Variants in PRMT8 observed in about 807,000 individuals in gnomAD.
The protein encoded by PRMT8 is protein arginine N-methyltransferase 8.
Under a neutral mutation model 47.1 loss-of-function variants are expected in PRMT8, and 7 were observed. The ratio of observed to expected loss-of-function variants is 0.15; its 90% confidence interval spans 0.08 to 0.28. PRMT8 has a LOEUF of 0.28. PRMT8 is among the 10% of genes least tolerant of loss of function. The pLI, the probability that PRMT8 is intolerant of heterozygous loss-of-function variation, is 1.00. For missense variants in PRMT8, 237 were observed against 505.4 expected (o/e 0.47, Z 5.09); for synonymous variants, 188 against 186.5 (o/e 1.01, Z -0.07).
Position 3,539,012 on chromosome 12 carries a change from G to T in PRMT8, c.76-1594G>T, listed in dbSNP as rs531102578. ...CAGAACAGTCTTGGGACTGCGCGGA[G>T]TGATTCCACGGAGGGGTTGAAATAA... On this transcript the variant is annotated intron_variant, in intron 1 of 9. Coordinates refer to ENST00000382622, the MANE Select transcript of PRMT8 (RefSeq NM_019854.5). Among the ~76,000 whole-genome samples the T allele has an allele frequency of 4.3e-4, 65 of 152,352 alleles. No homozygotes were observed. In the Middle Eastern group the frequency reaches 0.01, roughly 24 times the overall value.
rs1865855845 is a variant in PRMT8, at chr12:3,519,915, T to G, written c.76-20691T>G. 1.3e-5 allele frequency among the ~76,000 whole-genome samples: 2 copies of G among 152,214 alleles called. 1 individual carries two copies. The highest frequency in any genetic ancestry group is 4.1e-4 in the South Asian group (2 of 4,830). The stretch of plus-strand genomic sequence containing the variant: ...CAAAATTTGGGAAACATCTAATTTT[T>G]TAATGTAAAATATAAGTTTTAAATG... On this transcript the variant is annotated intron_variant, in intron 1 of 9. Transcript: ENST00000382622.
rs1020836589 is a variant in PRMT8, at chr12:3,570,686, T to C, written c.712+1122T>C. On this transcript the variant is annotated intron_variant, in intron 6 of 9. Coordinates refer to ENST00000382622, the MANE Select transcript of PRMT8 (RefSeq NM_019854.5). This position sits in a 1 kb window ranked among gnomAD's most constrained non-coding sequence, Gnocchi z 5.5. ...TGATGAAAACTCGGCTGGACTCTGC[T>C]ATGGATGTGTGTATTTGTGTGGGTT... 6.6e-6 allele frequency among the ~76,000 whole-genome samples: 1 copy of C among 152,230 alleles called. No homozygotes were observed. The highest frequency in any genetic ancestry group is 2.4e-5 in the African/African-American group (1 of 41,460).
chr12:3,517,388 G>A (rs893760165), intron 1 of PRMT8, among the ~76,000 whole-genome samples: 26 of 152,100 alleles, frequency 1.7e-4, no homozygotes, highest in Admixed American at 1.2e-3. Flanking sequence ...TATGTGGCCC[G>A]CTCTGTCCAG....
chr12:3,403,510 G>A (rs1199427287), intron 1 of PRMT8, among the ~76,000 whole-genome samples: 1 of 151,274 alleles, frequency 6.6e-6, no homozygotes, highest in Non-Finnish European at 1.5e-5. Flanking sequence ...CCAGCATCTA[G>A]GAATTTCTCT....
chr12:3,416,157 C>T (rs1476019911), intron 1 of PRMT8, among the ~76,000 whole-genome samples: 1 of 152,242 alleles, frequency 6.6e-6, no homozygotes, highest in African/African-American at 2.4e-5. Flanking sequence ...GGCCTCTCCT[C>T]TAACTCCTGT....
chr12:3,428,367 A>G (rs1864630204), intron 1 of PRMT8, among the ~76,000 whole-genome samples: 1 of 151,750 alleles, frequency 6.6e-6, no homozygotes. Context: ...CTGTGCTGAC[A>G]ATGATGTTTC....
In PRMT8 at chr12:3,491,257, G is replaced by A. The variant is rs1280424801; in HGVS notation, c.-369G>A. 3 of 1,030,164 alleles carry A rather than the reference G, an allele frequency of 2.9e-6. No individual in the cohort carries two copies. Among genetic ancestry groups the A allele is most frequent in the Admixed American group, 1.1e-4 (2 of 18,684 alleles). The allele number at this position is 1,030,164 out of a possible 1,614,324, so 63.8% of individuals were successfully genotyped here. On this transcript the variant is annotated 5_prime_UTR_variant, in exon 1 of 10. Coordinates refer to ENST00000382622, the MANE Select transcript of PRMT8 (RefSeq NM_019854.5). ...GAGGAGTTGGCGGCTGCCTCCGGCC[G>A]GCCGGACTTTGCGAGCAGCCTGGAG...
chr12:3,575,240 C>T (rs985649083), intron 6 of PRMT8, among the ~76,000 whole-genome samples: 1 of 152,310 alleles, frequency 6.6e-6, no homozygotes, highest in South Asian at 2.1e-4. Context: ...TGTCGCTGAC[C>T]GTTCACACCT....
chr12:3,473,492 C>T (rs1252206129), intron 1 of PRMT8, among the ~76,000 whole-genome samples: 1 of 152,144 alleles, frequency 6.6e-6, no homozygotes, highest in Non-Finnish European at 1.5e-5. Flanking sequence ...CGGAGTTTTC[C>T]AGAGTCCTGT....
At position 3,409,532 on chromosome 12, in the gene PRMT8, T is replaced by A; in HGVS notation, c.48+28090T>A. Among the ~76,000 whole-genome samples, 1 of 152,032 alleles carries A rather than the reference T, an allele frequency of 6.6e-6. No individual in the cohort carries two copies. The highest frequency in any genetic ancestry group is 1.5e-5 in the Non-Finnish European group (1 of 68,000). On this transcript the variant is annotated intron_variant, in intron 1 of 9. Transcript: ENST00000452611. The surrounding 1 kb of genome is among the most constrained non-coding windows in gnomAD (Gnocchi z 4.4). ...AAGCATGGAGCAGCACAGCAATGAC[T>A]CTATTCATCGAGGAGGTGGGGTGCT...
Position 3,466,799 on chromosome 12 carries a change from C to G in PRMT8, c.49-73807C>G, listed in dbSNP as rs554142168. Among the ~76,000 whole-genome samples the G allele has an allele frequency of 2.0e-5, 3 of 152,264 alleles. No individual in the cohort carries two copies. In the South Asian group the frequency reaches 6.2e-4, roughly 32 times the overall value. ...TTTGTTTAATGTCTCCTGCATTAAACAAATCGATGTCTCTTTTCTACAAAA... is the reference window on the plus strand; with the variant it reads ...TTTGTTTAATGTCTCCTGCATTAAAGAAATCGATGTCTCTTTTCTACAAAA... On this transcript the variant is annotated intron_variant, in intron 1 of 9. Transcript: ENST00000452611.
chr12:3,424,373 G>A (rs1187658687), intron 1 of PRMT8, among the ~76,000 whole-genome samples: 1 of 152,062 alleles, frequency 6.6e-6, no homozygotes, highest in Non-Finnish European at 1.5e-5. Context: ...TTATCCAAGT[G>A]GCGCAAATGA....
At chr12:3,446,334 C>T (rs1353188706) in intron 1 of PRMT8, among the ~76,000 whole-genome samples, 1 of 152,044 alleles carries the variant, frequency 6.6e-6, no homozygotes, top group Non-Finnish European at 1.5e-5. Flanking sequence ...CCCATCTCAA[C>T]CTGCTCCTGT....
chr12:3,577,550 T>C lies in PRMT8; in HGVS notation c.828+564T>C, dbSNP rs1025439462. Among the ~76,000 whole-genome samples the C allele has an allele frequency of 3.9e-5, 6 of 152,294 alleles. No homozygotes were observed. In the South Asian group the frequency reaches 1.2e-3, roughly 32 times the overall value. The stretch of plus-strand genomic sequence containing the variant: ...CCAGCTGCCCCTTCCTGAGCGTCCC[T>C]GTTTGTACATGCTCTAAACCAAGTG... On this transcript the variant is annotated intron_variant, in intron 7 of 9. Coordinates refer to ENST00000382622, the MANE Select transcript of PRMT8 (RefSeq NM_019854.5).
At chr12:3,496,215 T>TATATATATATATATATATATATATATATA (rs1555085719) in intron 1 of PRMT8, among the ~76,000 whole-genome samples, 5 of 24,322 alleles carry the variant, frequency 2.1e-4, no homozygotes, top group South Asian at 1.7e-3. Flanking sequence ...TATATATATA[T>TATATATATATATATATATATATATATATA]TTTTTTTTTT....
intron 4 of PRMT8, among the ~76,000 whole-genome samples, chr12:3,558,472 A>T (rs983924532): frequency 6.6e-6 from 1 of 152,166 alleles, no homozygotes; most frequent in East Asian, 1.9e-4. Context: ...CGTCATCATT[A>T]CCTAATGCCC....
chr12:3,408,757 T>G (rs1864398112), intron 1 of PRMT8, among the ~76,000 whole-genome samples: 1 of 152,142 alleles, frequency 6.6e-6, no homozygotes. Flanking sequence ...GGTCTTCAGG[T>G]GCCGGTTGGG....
chr12:3,582,321 G>A (rs1867082214), intron 7 of PRMT8, among the ~76,000 whole-genome samples: 1 of 152,132 alleles, frequency 6.6e-6, no homozygotes, highest in Admixed American at 6.5e-5. Context: ...AGAGTTATTA[G>A]TTCTTCATGT....
intron 4 of PRMT8, among the ~76,000 whole-genome samples, chr12:3,560,808 T>G (rs1239428952): frequency 6.6e-6 from 1 of 152,134 alleles, no homozygotes; most frequent in Non-Finnish European, 1.5e-5. Context: ...TAGGGAGGAC[T>G]TTGTCAAATC....
Sources: gnomAD v4.1 joint callset for allele counts (sites outside exome capture counted in the v4.1 genomes callset) on GRCh38, gnomAD v4.1.1 for gene constraint, Gnocchi (gnomAD v3.1) non-coding constraint, MANE v1.5 for transcripts, NCBI Gene and HGNC (gene_info 2026-07-23, HGNC 2026-07-21) for gene names.